AK2: variants seen among roughly 807,000 people sequenced by gnomAD.
AK2 encodes adenylate kinase 2, mitochondrial.
Under a neutral mutation model 24.6 loss-of-function variants are expected in AK2, and 15 were observed. That is an observed-to-expected ratio of 0.61 (90% confidence interval 0.41 to 0.94). The LOEUF (loss-of-function observed/expected upper bound fraction) is 0.94. Ranked by LOEUF, AK2 falls within the 40% of genes least tolerant of loss-of-function variation. The pLI, the probability that AK2 is intolerant of heterozygous loss-of-function variation, is 0.00. For missense variants in AK2, 257 were observed against 304.1 expected (o/e 0.85, Z 1.15); for synonymous variants, 102 against 114.0 (o/e 0.90, Z 0.67).
chr1:33,009,137 T>A lies in AK2; in HGVS notation c.*4044A>T. 2.2e-6 allele frequency: 1 copy of A among 452,498 alleles called. No homozygotes were observed. The highest frequency in any genetic ancestry group is 1.6e-5 in the South Asian group (1 of 64,374). 28.0% of individuals were successfully genotyped at this position (452,498 alleles called of 1,614,324 possible). A position where few individuals can be genotyped will look rare whatever the true frequency, so the allele number is the denominator to read the frequency against. On this transcript the variant is annotated 3_prime_UTR_variant, in exon 6 of 6. Coordinates refer to ENST00000672715, the MANE Select transcript of AK2 (RefSeq NM_001625.4). ...CAGGGAACAGGATTTAATATGTCAG[T>A]GAAGACCCTGCCTCTCTCTGTAACA... is the stretch of plus-strand genomic sequence containing the variant.
At position 33,024,501 on chromosome 1, in the gene AK2, C is replaced by T; in HGVS notation, c.160G>A (p.Val54Met). ...TTTCCTAGCTCTGAGCCAGAAGCCA[C>T]CATGGCCCTCAGCATGTCCCCAGTA... ...LATGDMLRAM[V>M]ASGSELGKKL... Residue 54 changes from valine (V) to methionine (M), a missense_variant, in exon 2 of 6, where the codon GTG becomes ATG. By Grantham distance (21) the Val-to-Met change is conservative. Coordinates refer to ENST00000672715, the MANE Select transcript of AK2 (RefSeq NM_001625.4). The T allele has an allele frequency of 1.2e-6, 2 of 1,614,162 alleles. No homozygotes were observed. Among genetic ancestry groups the T allele is most frequent in the Non-Finnish European group, 1.7e-6 (2 of 1,180,028 alleles).
At chr1:33,028,231 C>T (rs565817755) in intron 1 of AK2, among the ~76,000 whole-genome samples, 3 of 152,068 alleles carry the variant, frequency 2.0e-5, no homozygotes, top group Admixed American at 1.3e-4. Flanking sequence ...CGGCTGGGCG[C>T]GGTGGCTCAC....
chr1:33,032,003 TGAG>T (rs1329534626), intron 1 of AK2: 1 of 217,510 alleles, frequency 4.6e-6, no homozygotes, highest in Non-Finnish European at 9.5e-6. Flanking sequence ...TAGTTAAAAG[TGAG>T]GAGTTTTAAA....
rs775008284 is a variant in AK2, at chr1:33,013,232, G to A, written c.669C>T (p.Ile223=). ...SQTPDVVFAS[I]LAAFSKATCK... ...ATGTGGCTTTGGAGAAGGCTGCTAG[G>A]ATGCTTGCGAACACGACATCGGGGG... Residue 223 remains isoleucine, a synonymous_variant, in exon 6 of 6, where the codon ATC becomes ATT. Transcript: ENST00000672715. 6.2e-7 allele frequency: 1 copy of A among 1,613,920 alleles called. No homozygotes were observed. Among genetic ancestry groups the A allele is most frequent in the African/African-American group, 1.3e-5 (1 of 75,052 alleles).
chr1:33,019,946 C>A, intron 4 of AK2: 1 of 1,411,422 alleles, frequency 7.1e-7, no homozygotes, highest in Non-Finnish European at 9.2e-7. Context: ...TTTCCTGAGA[C>A]ACCATTAAAA....
At chr1:33,016,908 T>C (rs1364028487) in intron 4 of AK2, among the ~76,000 whole-genome samples, 1 of 151,834 alleles carries the variant, frequency 6.6e-6, no homozygotes, top group African/African-American at 2.4e-5. Context: ...GGTTTCACCA[T>C]GTTGGCCAGG....
rs1004183865 is a variant in AK2 at position 33,008,747 on chromosome 1, C to T, written c.*4434G>A. ...GTGCTGTGTGAGGGTTACGTGAAGT[C>T]GAGGGTTACATGAAGCCTTTGCATA... On this transcript the variant is annotated 3_prime_UTR_variant, in exon 6 of 6. Transcript: ENST00000672715. 3 of 453,910 alleles carry T rather than the reference C, an allele frequency of 6.6e-6. No individual in the cohort carries two copies. The highest frequency in any genetic ancestry group is 2.4e-5 in the Admixed American group (1 of 42,538). 28.1% of individuals were successfully genotyped at this position (453,910 alleles called of 1,614,324 possible).
intron 4 of AK2, among the ~76,000 whole-genome samples, chr1:33,015,332 T>C (rs1639115978): frequency 1.3e-5 from 2 of 152,170 alleles, no homozygotes; most frequent in African/African-American, 2.4e-5. Context: ...GCACTGAATG[T>C]ATAGTGGGCA....
intron 4 of AK2, among the ~76,000 whole-genome samples, chr1:33,018,975 G>T (rs937812475): frequency 6.6e-6 from 1 of 152,150 alleles, no homozygotes; most frequent in African/African-American, 2.4e-5. Flanking sequence ...CCCCAGTAAA[G>T]CTCTTCTCAA....
chr1:33,034,154 G>C (rs2124391532), intron 1 of AK2, among the ~76,000 whole-genome samples: 1 of 152,120 alleles, frequency 6.6e-6, no homozygotes, highest in East Asian at 1.9e-4. Context: ...TACAACTCTG[G>C]AAAGTGTACA....
chr1:33,021,364 T>C lies in AK2; in HGVS notation c.425+3A>G, dbSNP rs781155096. 19 of 1,613,462 alleles carry C rather than the reference T, an allele frequency of 1.2e-5. No individual in the cohort carries two copies. The highest frequency in any genetic ancestry group is 1.4e-5 in the Non-Finnish European group (17 of 1,179,706). ...TGAAAAGGGACCTTCAAGGGACAAA[T>C]ACCTTCCTGTGATTCTTCGGATCAG... On this transcript the variant is annotated splice_donor_region_variant and intron_variant, in intron 4 of 5. Coordinates refer to ENST00000672715, the MANE Select transcript of AK2 (RefSeq NM_001625.4).
intron 5 of AK2, among the ~76,000 whole-genome samples, chr1:33,013,789 G>A (rs952756485): frequency 3.3e-5 from 5 of 152,184 alleles, no homozygotes; most frequent in Non-Finnish European, 1.5e-5. Context: ...AGATACATTA[G>A]CAATTGTAAT....
intron 1 of AK2, among the ~76,000 whole-genome samples, chr1:33,035,677 GCC>G (rs1640534840): frequency 6.6e-6 from 1 of 152,080 alleles, no homozygotes. Flanking sequence ...CTAATCTATG[GCC>G]CCATTATGTC....
At chr1:33,027,211 G>A (rs1398997472) in intron 1 of AK2, among the ~76,000 whole-genome samples, 2 of 152,210 alleles carry the variant, frequency 1.3e-5, no homozygotes, top group Non-Finnish European at 2.9e-5. Flanking sequence ...CACTGTGGCC[G>A]TACATCTAGA....
chr1:33,026,896 C>T (rs1241932291), intron 1 of AK2, among the ~76,000 whole-genome samples: 3 of 151,946 alleles, frequency 2.0e-5, no homozygotes, highest in African/African-American at 4.8e-5. Context: ...GAGGCCGAGG[C>T]GGGTGGATCA....
Position 33,012,193 on chromosome 1 carries a change from G to T in AK2, c.*988C>A. The T allele has an allele frequency of 1.3e-6, 2 of 1,535,398 alleles. No individual in the cohort carries two copies. The highest frequency in any genetic ancestry group is 1.7e-6 in the Non-Finnish European group (2 of 1,146,714). ...GGTTTAATTCTCTGGCAACAATTCA[G>T]TTTTCAAACCCAATTCCCAAATAAT... On this transcript the variant is annotated 3_prime_UTR_variant, in exon 6 of 6. Coordinates refer to ENST00000672715, the MANE Select transcript of AK2 (RefSeq NM_001625.4).
In AK2 at chr1:33,020,912, C is replaced by G. The variant is rs548174187; in HGVS notation, c.425+455G>C. ...GTGTAATCCTAGCACTTTGGGAGGC[C>G]GAGGCAGGCGGATCACTTGAGGTCA... On this transcript the variant is annotated intron_variant, in intron 4 of 5. Transcript: ENST00000672715. Among the ~76,000 whole-genome samples the G allele has an allele frequency of 2.6e-4, 40 of 151,518 alleles. 1 individual carries two copies. Among genetic ancestry groups the G allele is most frequent in the African/African-American group, 9.4e-4 (39 of 41,292 alleles).
intron 4 of AK2, 31 bp downstream of exon 4, chr1:33,021,336 G>T (rs752488370): frequency 1.9e-6 from 3 of 1,579,008 alleles, no homozygotes; most frequent in East Asian, 2.2e-5. Context: ...GCTCTGAGAA[G>T]CATGAAAAGG....
chr1:33,009,446 A>T lies in AK2; in HGVS notation c.*3735T>A, dbSNP rs1227498274. On this transcript the variant is annotated 3_prime_UTR_variant, in exon 6 of 6. Coordinates refer to ENST00000672715, the MANE Select transcript of AK2 (RefSeq NM_001625.4). Reference sequence around the variant, plus strand: ...CTTTCTAGACTATGGACAAGTGTCCATTCAACAGTTATCCAGCCTGGCAGG... The same window carrying T: ...CTTTCTAGACTATGGACAAGTGTCCTTTCAACAGTTATCCAGCCTGGCAGG... The T allele has an allele frequency of 2.2e-6, 1 of 454,156 alleles. No individual in the cohort carries two copies. The highest frequency in any genetic ancestry group is 6.9e-5 in the East Asian group (1 of 14,402). The allele number at this position is 454,156 out of a possible 1,614,324, so 28.1% of individuals were successfully genotyped here.
Sources: gnomAD v4.1 joint callset for allele counts (sites outside exome capture counted in the v4.1 genomes callset) on GRCh38, gnomAD v4.1.1 for gene constraint, MANE v1.5 for transcripts, NCBI Gene and HGNC (gene_info 2026-07-23, HGNC 2026-07-21) for gene names.